Variants in CNOT2 observed in about 807,000 individuals in gnomAD.
The protein encoded by CNOT2 is CC chemokine receptor 4-negative regulator of transcription 2.
A neutral mutation model predicts 72.1 loss-of-function variants in CNOT2; 7 were observed. The observed-to-expected ratio is 0.10, with a 90% CI of 0.06 to 0.18. The LOEUF is 0.18. Among genes scored for constraint, CNOT2 ranks in the 10% least tolerant of loss-of-function variants. CNOT2 has a pLI of 1.00. For synonymous variants in CNOT2, 196 were observed against 225.6 expected, an observed-to-expected ratio of 0.87 and a Z score of 1.17; for missense variants, 345 against 660.3, an observed-to-expected ratio of 0.52 and a Z score of 5.23.
chr12:70,282,222 T>C (rs961476625), intron 2 of CNOT2, among the ~76,000 whole-genome samples: 1 of 152,190 alleles, frequency 6.6e-6, no homozygotes, highest in Non-Finnish European at 1.5e-5. Context: ...GCAAGATATT[T>C]AGATGTTACT....
intron 2 of CNOT2, among the ~76,000 whole-genome samples, chr12:70,295,549 A>G (rs1872677691): frequency 6.6e-6 from 1 of 152,104 alleles, no homozygotes. Context: ...CTGTATGCAT[A>G]GAGGATTTGT....
intron 8 of CNOT2, chr12:70,336,091 A>G (rs1405132670): frequency 6.6e-6 from 1 of 152,524 alleles, no homozygotes; most frequent in Non-Finnish European, 1.5e-5. Flanking sequence ...GCCTTGGCCT[A>G]CAAGATGCTA....
intron 13 of CNOT2, among the ~76,000 whole-genome samples, chr12:70,343,779 T>C (rs1456028398): frequency 2.6e-5 from 4 of 152,208 alleles, no homozygotes; most frequent in Non-Finnish European, 4.4e-5. Context: ...AGGACTTGAA[T>C]ACAAGTCCTA....
chr12:70,265,543 A>G (rs1959000636), intron 1 of CNOT2, among the ~76,000 whole-genome samples: 1 of 151,680 alleles, frequency 6.6e-6, no homozygotes, highest in Non-Finnish European at 1.5e-5. Context: ...TTTCTTTGTC[A>G]GTCTGCCTTA....
chr12:70,246,892 A>AATCTGTTGGT (rs1455346407), intron 1 of CNOT2, among the ~76,000 whole-genome samples: 1 of 152,152 alleles, frequency 6.6e-6, no homozygotes, highest in Admixed American at 6.5e-5. Context: ...TACAGATGCA[A>AATCTGTTGGT]ATCTGTTGGT....
At chr12:70,344,045 A>T (rs551958592) in intron 13 of CNOT2, 83 bp from the exon 14 acceptor site, 87 of 822,768 alleles carry the variant, frequency 1.1e-4, no homozygotes, top group Middle Eastern at 3.6e-4. Context: ...TTATCTCTCC[A>T]TTTTTTCTTT....
At chr12:70,271,281 C>G (rs549057449) in intron 1 of CNOT2, among the ~76,000 whole-genome samples, 5 of 151,774 alleles carry the variant, frequency 3.3e-5, no homozygotes, top group Non-Finnish European at 5.9e-5. Flanking sequence ...TCCCTTATGT[C>G]TCACTAGCCA....
intron 2 of CNOT2, chr12:70,297,611 AG>A (rs1873035707): frequency 1.7e-5 from 3 of 174,780 alleles, no homozygotes; most frequent in Non-Finnish European, 3.7e-5. Flanking sequence ...ATTCCTTGAA[AG>A]GTTAAATTGT....
At chr12:70,345,442 T>TC (rs971719055) in intron 14 of CNOT2, 2 of 152,192 alleles carry the variant, frequency 1.3e-5, no homozygotes, top group African/African-American at 4.8e-5. Context: ...CATTCATCTA[T>TC]CACTGGCAGT....
chr12:70,339,052 ATGTGCATGTATATATGTGTGTGTG>A (rs1881113076), intron 11 of CNOT2, among the ~76,000 whole-genome samples: 1 of 112,176 alleles, frequency 8.9e-6, no homozygotes, highest in African/African-American at 3.9e-5. Flanking sequence ...GTGTGTGTGC[ATGTGCATGTATATATGTGTGTGTG>A]TATATATATA....
intron 14 of CNOT2, 139 bp from the exon 15 acceptor site, chr12:70,346,036 TTATAA>T (rs1454472162): frequency 5.2e-6 from 3 of 573,194 alleles, no homozygotes; most frequent in East Asian, 5.8e-5. Flanking sequence ...ATTTAATAAC[TTATAA>T]TAAATGAGTA....
intron 7 of CNOT2, among the ~76,000 whole-genome samples, chr12:70,333,562 C>T (rs982072257): frequency 6.6e-6 from 1 of 151,712 alleles, no homozygotes; most frequent in Non-Finnish European, 1.5e-5. Context: ...AAATGAACAG[C>T]ATTATTGGAG....
intron 1 of CNOT2, among the ~76,000 whole-genome samples, chr12:70,262,778 C>T (rs1958841760): frequency 6.6e-6 from 1 of 151,378 alleles, no homozygotes; most frequent in Non-Finnish European, 1.5e-5. Context: ...GGTTCAAGCA[C>T]TTCCCCTGCC....
At chr12:70,243,626 C>T (rs922532950) in intron 1 of CNOT2, 146 bp downstream of exon 1, 2 of 151,552 alleles carry the variant, frequency 1.3e-5, no homozygotes, top group African/African-American at 4.8e-5. Context: ...CCCACCGCTT[C>T]CCGTTGCTTT....
Position 70,251,731 on chromosome 12 carries a change from T to C in CNOT2, c.-96+8251T>C, listed in dbSNP as rs187944419. Reference sequence around the variant, plus strand: ...TTCATATAAGCAGGATTTTTATTTGTTAAGAACTGTATGACTTTGAAACTC... The same window carrying C: ...TTCATATAAGCAGGATTTTTATTTGCTAAGAACTGTATGACTTTGAAACTC... On this transcript the variant is annotated intron_variant, in intron 1 of 15. Transcript: ENST00000229195. Among the ~76,000 whole-genome samples the C allele has an allele frequency of 9.5e-4, 145 of 152,358 alleles. 2 individuals are homozygous for C. The highest frequency in any genetic ancestry group is 2.9e-5 in the Non-Finnish European group (2 of 68,026).
chr12:70,346,049 G>A (rs2272183), intron 14 of CNOT2, 131 bp from the exon 15 acceptor site: 109,858 of 601,310 alleles, frequency 0.18, 10,811 homozygotes, highest in African/African-American at 0.31. Context: ...TAATAAATGA[G>A]TAGGAAGCAT....
intron 3 of CNOT2, among the ~76,000 whole-genome samples, chr12:70,317,558 A>G (rs539988800): frequency 5.3e-5 from 8 of 151,022 alleles, no homozygotes; most frequent in Non-Finnish European, 8.8e-5. Context: ...TGTTAGTTTA[A>G]TTATCTAGGT....
intron 7 of CNOT2, chr12:70,334,868 A>C (rs1364088734): frequency 6.6e-6 from 1 of 152,234 alleles, no homozygotes; most frequent in African/African-American, 2.4e-5. Context: ...CCCTACTGCC[A>C]CCCTGTTGTA....
chr12:70,284,974 A>G (rs1870608689), intron 2 of CNOT2, among the ~76,000 whole-genome samples: 1 of 152,218 alleles, frequency 6.6e-6, no homozygotes, highest in African/African-American at 2.4e-5. Flanking sequence ...TAAAATATCT[A>G]GTAGCACCCC....
Sources: gnomAD v4.1 joint callset for allele counts (sites outside exome capture counted in the v4.1 genomes callset) on GRCh38, gnomAD v4.1.1 for gene constraint, MANE v1.5 for transcripts, NCBI Gene and HGNC (gene_info 2026-07-23, HGNC 2026-07-21) for gene names.